The following CDH23 variants were observed in gnomAD, a reference collection of about 807,000 sequenced individuals.
The protein encoded by CDH23 is cadherin-23.
In CDH23, 189 loss-of-function variants were observed where a neutral mutation model predicts 317.1. The ratio of observed to expected loss-of-function variants is 0.60; its 90% CI spans 0.53 to 0.67. CDH23 has a LOEUF of 0.67. Among genes scored for constraint, CDH23 ranks in the 30% least tolerant of loss-of-function variants. The probability of loss-of-function intolerance (pLI) is 0.00; values close to 1 mark genes in which losing one functional copy is unlikely to be tolerated. For synonymous variants in CDH23, 1,839 were observed against 1,876.8 expected, an observed-to-expected ratio of 0.98 and a Z score of 0.52; for missense variants, 4,401 against 4,592.4, an observed-to-expected ratio of 0.96 and a Z score of 1.20.
At chr10:71,811,087 A>C (rs1841904805) in intron 62 of CDH23, among the ~76,000 whole-genome samples, 3 of 151,184 alleles carry the variant, frequency 2.0e-5, no homozygotes, top group South Asian at 4.2e-4. Context: ...ATCTCAAAAA[A>C]AAAAAAAAAA....
At chr10:71,710,631 C>T (rs1236475018) in intron 27 of CDH23, among the ~76,000 whole-genome samples, 1 of 152,194 alleles carries the variant, frequency 6.6e-6, no homozygotes, top group Non-Finnish European at 1.5e-5. Flanking sequence ...CATGGCCTTC[C>T]CAGGGGAGCA....
intron 11 of CDH23, among the ~76,000 whole-genome samples, chr10:71,637,440 C>G (rs1862330223): frequency 6.6e-6 from 1 of 152,128 alleles, no homozygotes; most frequent in African/African-American, 2.4e-5. Flanking sequence ...GATGCTTGAC[C>G]AAGATTTGGC....
rs571294163 is a variant in CDH23 at position 71,567,999 on chromosome 10, C to A, written c.624+1063C>A. Among the ~76,000 whole-genome samples, 71 of 152,372 alleles carry A rather than the reference C, an allele frequency of 4.7e-4. No individual in the cohort carries two copies. In the South Asian group the frequency reaches 0.013, roughly 29 times the overall value. On this transcript the variant is annotated intron_variant, in intron 7 of 69. Coordinates refer to ENST00000224721, the MANE Select transcript of CDH23 (RefSeq NM_022124.6). ...GGGGCTCTCCTTGGTAGGTCACAGG[C>A]TCTAGATCCAAGGCTCTGGATCTGG...
At chr10:71,555,605 C>T (rs1235495766) in intron 6 of CDH23, among the ~76,000 whole-genome samples, 2 of 152,128 alleles carry the variant, frequency 1.3e-5, no homozygotes, top group Non-Finnish European at 2.9e-5. Context: ...GGTGCAGGGA[C>T]GGCCCTGGAA....
At chr10:71,686,307 CA>C (rs1345346913) in intron 18 of CDH23, among the ~76,000 whole-genome samples, 1 of 152,028 alleles carries the variant, frequency 6.6e-6, no homozygotes, top group Non-Finnish European at 1.5e-5. Context: ...GCACCAGGGA[CA>C]GGGGAGATGC....
intron 6 of CDH23, among the ~76,000 whole-genome samples, chr10:71,521,505 G>T (rs1332758527): frequency 2.0e-5 from 3 of 152,104 alleles, no homozygotes; most frequent in Non-Finnish European, 4.4e-5. Flanking sequence ...ATACCAAGTG[G>T]TCACTTTCCT....
At chr10:71,656,757 G>A (rs1318769321) in intron 14 of CDH23, among the ~76,000 whole-genome samples, 2 of 152,182 alleles carry the variant, frequency 1.3e-5, no homozygotes, top group Non-Finnish European at 2.9e-5. Context: ...GGATGCAGGT[G>A]AAAGACCCTG....
intron 1 of CDH23, among the ~76,000 whole-genome samples, chr10:71,425,817 C>G (rs1849050538): frequency 1.3e-5 from 2 of 152,328 alleles, no homozygotes; most frequent in South Asian, 4.1e-4. Flanking sequence ...TTTGCAGTCA[C>G]ATGTACAGAA....
At chr10:71,574,038 C>T (rs1857995303) in intron 8 of CDH23, among the ~76,000 whole-genome samples, 2 of 152,122 alleles carry the variant, frequency 1.3e-5, no homozygotes, top group South Asian at 4.1e-4. Context: ...CCTGATTTAA[C>T]GCAGCATTCC....
chr10:71,785,272 A>T (rs1841073079), intron 43 of CDH23, among the ~76,000 whole-genome samples, 172 bp downstream of exon 43: 1 of 152,232 alleles, frequency 6.6e-6, no homozygotes. Flanking sequence ...CCAGTGAACC[A>T]TCTCTGGAGT....
rs191717014 is a variant in CDH23, at chr10:71,639,176, T to G, written c.1135-4685T>G. 5.2e-4 allele frequency among the ~76,000 whole-genome samples: 79 copies of G among 152,264 alleles called. 1 individual carries two copies. The highest frequency in any genetic ancestry group is 1.7e-3 in the African/African-American group (69 of 41,548). ...GCGGTGGGCGCTATCAGCCTTCTCA[T>G]CGCCTCTCTCAGCTGGAGGAGAATT... On this transcript the variant is annotated intron_variant, in intron 11 of 69. Coordinates refer to ENST00000224721, the MANE Select transcript of CDH23 (RefSeq NM_022124.6).
rs182069457 is a variant in CDH23, at chr10:71,759,575, C to T, written c.4845+17654C>T. On this transcript the variant is annotated intron_variant, in intron 38 of 69. Transcript: ENST00000224721. ...CTGTAATCCCAGCACTTTGGGAGGCCGAGGCAGTTAGATCATTTGTCAGTA... is the reference window on the plus strand; with the variant it reads ...CTGTAATCCCAGCACTTTGGGAGGCTGAGGCAGTTAGATCATTTGTCAGTA... 2.9e-3 allele frequency among the ~76,000 whole-genome samples: 445 copies of T among 151,512 alleles called. 7 individuals are homozygous for T. Among genetic ancestry groups the T allele is most frequent in the Admixed American group, 0.025 (381 of 15,200 alleles).
intron 9 of CDH23, among the ~76,000 whole-genome samples, chr10:71,594,589 T>C (rs939860862): frequency 1.3e-5 from 2 of 152,218 alleles, no homozygotes; most frequent in African/African-American, 4.8e-5. Context: ...TTGGTCAGGC[T>C]GGTCTTGAAC....
intron 8 of CDH23, among the ~76,000 whole-genome samples, chr10:71,573,500 C>G (rs1435311343): frequency 6.6e-6 from 1 of 152,188 alleles, no homozygotes; most frequent in Non-Finnish European, 1.5e-5. Flanking sequence ...GGTGATCCCA[C>G]AGGCCCCTGC....
intron 30 of CDH23, among the ~76,000 whole-genome samples, chr10:71,725,834 C>T (rs930326956): frequency 2.0e-5 from 3 of 152,182 alleles, no homozygotes; most frequent in African/African-American, 4.8e-5. Context: ...TCAAGGAAAT[C>T]TCACTTGGGT....
At chr10:71,795,353 TTAGA>T (rs1175803443) in intron 48 of CDH23, among the ~76,000 whole-genome samples, 4 of 152,040 alleles carry the variant, frequency 2.6e-5, no homozygotes, top group Admixed American at 6.6e-5. Flanking sequence ...CTAGGAGAAG[TTAGA>T]TAGAACCAGC....
rs959104947 is a variant in CDH23 at position 71,397,850 on chromosome 10, C to T, written c.-6+532C>T. On this transcript the variant is annotated intron_variant, in intron 1 of 69. Transcript: ENST00000224721. The surrounding 1 kb of genome is among the most constrained non-coding windows in gnomAD (Gnocchi z 4.8). ...CCCCTCCCCTCATCAAGTCCCTGTG[C>T]CCGCGGGAGACCCCAGGGGACTTAC... Among the ~76,000 whole-genome samples, 1 of 152,162 alleles carries T rather than the reference C, an allele frequency of 6.6e-6. No homozygotes were observed. The highest frequency in any genetic ancestry group is 6.5e-5 in the Admixed American group (1 of 15,288).
At chr10:71,572,900 C>T (rs916621311) in intron 8 of CDH23, among the ~76,000 whole-genome samples, 2 of 152,140 alleles carry the variant, frequency 1.3e-5, no homozygotes, top group Admixed American at 1.3e-4. Context: ...GGGCATCATG[C>T]CCAGAGCTAA....
At chr10:71,656,115 C>G (rs775946746) in intron 14 of CDH23, among the ~76,000 whole-genome samples, 3 of 152,130 alleles carry the variant, frequency 2.0e-5, no homozygotes, top group Admixed American at 6.5e-5. Context: ...TCAGGCATCC[C>G]TGGGGATGCA....
Sources: gnomAD v4.1 joint callset for allele counts (sites outside exome capture counted in the v4.1 genomes callset) on GRCh38, gnomAD v4.1.1 for gene constraint, Gnocchi (gnomAD v3.1) non-coding constraint, MANE v1.5 for transcripts, NCBI Gene and HGNC (gene_info 2026-07-23, HGNC 2026-07-21) for gene names.